The following UGT1A9 variants were observed in gnomAD, a reference collection of about 807,000 sequenced individuals.
UGT1A9 encodes the protein UDP-glucuronosyltransferase 1A9.
In UGT1A9, 35 loss-of-function variants were observed where a neutral mutation model predicts 45.0. That is an observed-to-expected ratio of 0.78 (90% CI 0.59 to 1.03). The LOEUF (loss-of-function observed/expected upper bound fraction) is 1.03. UGT1A9 is among the 50% of genes least tolerant of loss of function. The pLI is 0.00. For synonymous variants in UGT1A9, 278 were observed against 250.6 expected (o/e 1.11, Z -1.03); for missense variants, 687 against 666.6 (o/e 1.03, Z -0.34).
chr2:233,714,075 C>T (rs575529005), intron 1 of UGT1A9, among the ~76,000 whole-genome samples: 10 of 151,962 alleles, frequency 6.6e-5, no homozygotes, highest in Non-Finnish European at 8.8e-5. Context: ...GAGGCAGGGA[C>T]GAGGATCTGT....
Position 233,772,595 on chromosome 2 carries a change from T to C in UGT1A9, c.*36T>C. On this transcript the variant is annotated 3_prime_UTR_variant, in exon 5 of 5. Transcript: ENST00000354728. ...GGAAATAAGGTAAAATTTTGAACCA[T>C]TCCCTAGTCATTTCCAAACTTGAAA... 1 of 1,596,790 alleles carries C rather than the reference T, an allele frequency of 6.3e-7. No homozygotes were observed. Among genetic ancestry groups the C allele is most frequent in the Non-Finnish European group, 8.5e-7 (1 of 1,170,806 alleles).
At chr2:233,694,598 C>T (rs2075228773) in intron 1 of UGT1A9, among the ~76,000 whole-genome samples, 1 of 152,300 alleles carries the variant, frequency 6.6e-6, no homozygotes. Flanking sequence ...CTTTGAAGGG[C>T]TTCAGGCAAC....
intron 1 of UGT1A9, chr2:233,717,643 C>T (rs1326962765): frequency 7.7e-6 from 3 of 388,842 alleles, no homozygotes; most frequent in Non-Finnish European, 1.6e-5. Flanking sequence ...CCTGGGGCGA[C>T]CAGGACAAGG....
intron 1 of UGT1A9, chr2:233,755,174 G>T (rs868590389): frequency 1.1e-5 from 14 of 1,248,736 alleles, no homozygotes; most frequent in Middle Eastern, 4.4e-4. Flanking sequence ...GGTTTTTGTC[G>T]GGGTGCCACT....
At chr2:233,693,531 G>C in intron 1 of UGT1A9, 1 of 1,614,154 alleles carries the variant, frequency 6.2e-7, no homozygotes, top group Admixed American at 1.7e-5. Context: ...GGTTTTCCGT[G>C]TTCCCTGGAG....
Position 233,687,479 on chromosome 2 carries a change from AT to A in UGT1A9, c.855+14695del, listed in dbSNP as rs998532501. On this transcript the variant is annotated intron_variant, in intron 1 of 4. Coordinates refer to ENST00000354728, the MANE Select transcript of UGT1A9 (RefSeq NM_021027.3). The stretch of plus-strand genomic sequence containing the variant: ...GGAAGCTGGCATTATTGGCAGACCT[AT>A]TTTTCAGATGATGAAACTGAGGCAC... Among the ~76,000 whole-genome samples, 107 of 150,260 alleles carry A rather than the reference AT, an allele frequency of 7.1e-4. 1 individual carries two copies. Among genetic ancestry groups the A allele is most frequent in the African/African-American group, 2.3e-3 (96 of 40,922 alleles).
At chr2:233,673,816 A>T (rs1172625235) in intron 1 of UGT1A9, among the ~76,000 whole-genome samples, 1 of 152,082 alleles carries the variant, frequency 6.6e-6, no homozygotes, top group Non-Finnish European at 1.5e-5. Context: ...AACTTATCTT[A>T]TTATTTTGTA....
intron 1 of UGT1A9, among the ~76,000 whole-genome samples, chr2:233,750,971 T>TG (rs1694602658): frequency 6.6e-6 from 1 of 151,624 alleles, no homozygotes; most frequent in South Asian, 2.1e-4. Flanking sequence ...CACTGCCTAG[T>TG]GGAGTTGTGA....
chr2:233,772,688 G>A lies in UGT1A9; in HGVS notation c.*129G>A, dbSNP rs1369161059. The A allele has an allele frequency of 1.3e-6, 2 of 1,494,182 alleles. No individual in the cohort carries two copies. Among genetic ancestry groups the A allele is most frequent in the Non-Finnish European group, 1.8e-6 (2 of 1,128,718 alleles). 92.6% of individuals were successfully genotyped at this position (1,494,182 alleles called of 1,614,324 possible). A position where few individuals can be genotyped will look rare whatever the true frequency, so the allele number is the denominator to read the frequency against. Reference sequence around the variant, plus strand: ...ACTTTGCATAAATTAATCAGCCCCAGAGTGCTTTAAAAAATTCTCTTAAAT... The same window carrying A: ...ACTTTGCATAAATTAATCAGCCCCAAAGTGCTTTAAAAAATTCTCTTAAAT... On this transcript the variant is annotated 3_prime_UTR_variant, in exon 5 of 5. Transcript: ENST00000354728.
intron 1 of UGT1A9, among the ~76,000 whole-genome samples, chr2:233,766,325 G>C (rs574966930): frequency 6.6e-6 from 1 of 152,110 alleles, no homozygotes; most frequent in African/African-American, 2.4e-5. Flanking sequence ...GCCAAACTCC[G>C]CGTTGTTCTG....
At chr2:233,701,728 C>G (rs1007871533) in intron 1 of UGT1A9, among the ~76,000 whole-genome samples, 2 of 152,192 alleles carry the variant, frequency 1.3e-5, no homozygotes, top group Non-Finnish European at 2.9e-5. Context: ...ACTGAACAAC[C>G]TGCTCCTGAA....
chr2:233,721,895 C>T lies in UGT1A9; in HGVS notation c.856-45139C>T, dbSNP rs564941516. On this transcript the variant is annotated intron_variant, in intron 1 of 4. Transcript: ENST00000354728. ...CTTGCCAGCCCCTCCATTGCAATAT[C>T]GAAATGGTGCACACTGCTTCCATAA... 5.1e-5 allele frequency: 24 copies of T among 474,852 alleles called. 1 individual carries two copies. Among genetic ancestry groups the T allele is most frequent in the Non-Finnish European group, 8.4e-5 (20 of 237,474 alleles). The allele number at this position is 474,852 out of a possible 1,614,324, so 29.4% of individuals were successfully genotyped here.
intron 1 of UGT1A9, among the ~76,000 whole-genome samples, chr2:233,709,420 GTCC>G (rs1443021141): frequency 6.6e-6 from 1 of 152,122 alleles, no homozygotes; most frequent in Non-Finnish European, 1.5e-5. Context: ...CAATAAGAAT[GTCC>G]TCCAGAAAGG....
rs753419237 is a variant in UGT1A9, at chr2:233,719,511, T to C, written c.855+46722T>C. The C allele has an allele frequency of 5.6e-6, 9 of 1,613,954 alleles. No individual in the cohort carries two copies. The South Asian group carries it at 8.8e-5, about 16-fold the overall frequency. On this transcript the variant is annotated intron_variant, in intron 1 of 4. Coordinates refer to ENST00000354728, the MANE Select transcript of UGT1A9 (RefSeq NM_021027.3). ...CATTTGCCATACTTTTTCTGCCCCTTATGCAAGTCTTGCCTCTGAGCTTTT... is the reference window on the plus strand; with the variant it reads ...CATTTGCCATACTTTTTCTGCCCCTCATGCAAGTCTTGCCTCTGAGCTTTT...
chr2:233,758,550 C>T (rs537826054), intron 1 of UGT1A9, among the ~76,000 whole-genome samples: 173 of 152,196 alleles, frequency 1.1e-3, no homozygotes, highest in African/African-American at 3.9e-3. Flanking sequence ...TTCTGCTTGC[C>T]CAGAATCTTG....
chr2:233,760,960 G>C (rs144721642), intron 1 of UGT1A9: 1 of 1,614,048 alleles, frequency 6.2e-7, no homozygotes, highest in Non-Finnish European at 8.5e-7. Flanking sequence ...TCTGTGCGAC[G>C]TGGTTTATTC....
intron 1 of UGT1A9, chr2:233,693,758 G>A: frequency 6.2e-7 from 1 of 1,614,234 alleles, no homozygotes; most frequent in Non-Finnish European, 8.5e-7. Flanking sequence ...GAAGGTCTCT[G>A]TTTGGCTGTT....
chr2:233,761,079 C>T, intron 1 of UGT1A9: 1 of 1,614,120 alleles, frequency 6.2e-7, no homozygotes, highest in Non-Finnish European at 8.5e-7. Flanking sequence ...TGAAGGATTA[C>T]CCTAGGCCCA....
At chr2:233,683,580 C>G (rs1400280067) in intron 1 of UGT1A9, among the ~76,000 whole-genome samples, 1 of 152,122 alleles carries the variant, frequency 6.6e-6, no homozygotes, top group Admixed American at 6.5e-5. Flanking sequence ...TCTTCCTACT[C>G]AAGAATATGA....
Sources: allele counts gnomAD v4.1 joint callset (sites outside exome capture counted in the v4.1 genomes callset), GRCh38; gene constraint gnomAD v4.1.1; transcripts MANE v1.5; gene names NCBI Gene and HGNC (gene_info 2026-07-23, HGNC 2026-07-21).